Variants in PLXNA2 observed in about 807,000 individuals in gnomAD.
PLXNA2 encodes plexin A2, also known as plexin-A2.
In PLXNA2, 91 loss-of-function variants were observed where a neutral mutation model predicts 193.5. That is an observed-to-expected ratio of 0.47 (90% confidence interval 0.40 to 0.56). The LOEUF is 0.56. Among genes scored for constraint, PLXNA2 ranks in the 20% least tolerant of loss-of-function variants. PLXNA2 has a pLI of 0.00. For synonymous variants in PLXNA2, 997 were observed against 1,027.3 expected (o/e 0.97, Z 0.56); for missense variants, 1,995 against 2,503.2 (o/e 0.80, Z 4.33).
At chr1:208,131,140 G>A (rs1668136580) in intron 4 of PLXNA2, among the ~76,000 whole-genome samples, 1 of 152,078 alleles carries the variant, frequency 6.6e-6, no homozygotes, top group African/African-American at 2.4e-5. Flanking sequence ...ACATACAGAG[G>A]GACCTTGCCA....
chr1:208,107,156 C>G (rs1667295168), intron 4 of PLXNA2, among the ~76,000 whole-genome samples: 1 of 152,194 alleles, frequency 6.6e-6, no homozygotes, highest in Admixed American at 6.5e-5. Context: ...AAACCAGCAC[C>G]ATTGGTGTCA....
intron 11 of PLXNA2, among the ~76,000 whole-genome samples, chr1:208,081,521 G>C (rs987240353): frequency 3.3e-5 from 5 of 152,182 alleles, no homozygotes; most frequent in Non-Finnish European, 5.9e-5. Flanking sequence ...AGTGGCCTAA[G>C]TAGTAGATCC....
At chr1:208,200,254 C>G (rs79145564) in intron 3 of PLXNA2, among the ~76,000 whole-genome samples, 2,290 of 152,308 alleles carry the variant, frequency 0.015, 66 homozygotes, top group African/African-American at 0.05. Context: ...AATAGAACCA[C>G]AGGAAGAGAC....
rs1212200172 is a variant in PLXNA2 at position 208,044,803 on chromosome 1, C to T, written c.3640-61G>A. 7.5e-7 allele frequency: 1 copy of T among 1,337,304 alleles called. No individual in the cohort carries two copies. Among genetic ancestry groups the T allele is most frequent in the East Asian group, 2.4e-5 (1 of 41,210 alleles). 82.8% of individuals were successfully genotyped at this position (1,337,304 alleles called of 1,614,324 possible). ...ACACAGGTGTAGAGCCCGGGCATGC[C>T]AGCAGATCCTTACAGTGCGAGGAAG... On this transcript the variant is annotated intron_variant, in intron 19 of 31. Coordinates refer to ENST00000367033, the MANE Select transcript of PLXNA2 (RefSeq NM_025179.4). The surrounding 1 kb of genome is among the most constrained non-coding windows in gnomAD (Gnocchi z 4.9).
chr1:208,212,204 G>A (rs1302776998), intron 2 of PLXNA2, among the ~76,000 whole-genome samples: 2 of 152,180 alleles, frequency 1.3e-5, no homozygotes, highest in Non-Finnish European at 2.9e-5. Flanking sequence ...AGAGCAGGCT[G>A]ACACACCATC....
chr1:208,157,628 G>T (rs1433328749), intron 3 of PLXNA2, among the ~76,000 whole-genome samples: 2 of 152,138 alleles, frequency 1.3e-5, no homozygotes, highest in African/African-American at 4.8e-5. Flanking sequence ...GAAAGCCAGT[G>T]GTTGATTTGT....
chr1:208,136,726 G>T (rs1668312555), intron 4 of PLXNA2, among the ~76,000 whole-genome samples: 1 of 152,230 alleles, frequency 6.6e-6, no homozygotes, highest in Admixed American at 6.5e-5. Context: ...AGAGGCTTCT[G>T]AGGCAGCGCT....
At chr1:208,097,785 G>A (rs1666946920) in intron 6 of PLXNA2, among the ~76,000 whole-genome samples, 1 of 151,978 alleles carries the variant, frequency 6.6e-6, no homozygotes, top group African/African-American at 2.4e-5. Context: ...CCCATGAGGT[G>A]TGCCCATAGG....
At chr1:208,067,533 CA>C (rs1208554767) in intron 12 of PLXNA2, among the ~76,000 whole-genome samples, 1 of 152,154 alleles carries the variant, frequency 6.6e-6, no homozygotes, top group African/African-American at 2.4e-5. Context: ...TCCAGTCCTG[CA>C]AGCTCCATTC....
chr1:208,143,982 G>C (rs915818756), intron 3 of PLXNA2, among the ~76,000 whole-genome samples: 3 of 152,216 alleles, frequency 2.0e-5, no homozygotes, highest in Non-Finnish European at 4.4e-5. Flanking sequence ...TGTTGAAAGA[G>C]CGTGAACTGT....
chr1:208,034,653 T>G (rs1242039712), intron 26 of PLXNA2, 61 bp from the exon 27 acceptor site: 1 of 1,027,996 alleles, frequency 9.7e-7, no homozygotes, highest in Non-Finnish European at 1.5e-6. Context: ...GGAAGTTGGA[T>G]AGTCAAGTAT....
At chr1:208,113,567 TGAG>T (rs1476806957) in intron 4 of PLXNA2, among the ~76,000 whole-genome samples, 6 of 147,858 alleles carry the variant, frequency 4.1e-5, no homozygotes, top group African/African-American at 1.3e-4. Context: ...TTTTTTTTTT[TGAG>T]ATGCGGTCTT....
At chr1:208,074,751 C>T (rs1478892833) in intron 12 of PLXNA2, among the ~76,000 whole-genome samples, 1 of 152,200 alleles carries the variant, frequency 6.6e-6, no homozygotes, top group Non-Finnish European at 1.5e-5. Flanking sequence ...ATTTCCAGGA[C>T]TGGAGATTCT....
chr1:208,188,464 T>G (rs1670074701), intron 3 of PLXNA2, among the ~76,000 whole-genome samples: 1 of 152,112 alleles, frequency 6.6e-6, no homozygotes, highest in African/African-American at 2.4e-5. Flanking sequence ...ATCCCAGCAC[T>G]TTGGGAGGCC....
chr1:208,148,124 A>G (rs1436007699), intron 3 of PLXNA2, among the ~76,000 whole-genome samples: 2 of 152,152 alleles, frequency 1.3e-5, no homozygotes, highest in African/African-American at 4.8e-5. Flanking sequence ...TCCAATTCCA[A>G]TCAGCATATC....
rs1004083550 is a variant in PLXNA2 at position 208,045,293 on chromosome 1, A to G, written c.3496-83T>C. ...GCCTACTTAAAAAGAGATTAAGGAG[A>G]CGGGGAAGGGCAGCAGTGCAAAAAC... On this transcript the variant is annotated intron_variant, in intron 18 of 31. Transcript: ENST00000367033. 9.8e-6 allele frequency: 14 copies of G among 1,429,700 alleles called. No homozygotes were observed. In the East Asian group the frequency reaches 3.2e-4, roughly 33 times the overall value. 88.6% of individuals were successfully genotyped at this position (1,429,700 alleles called of 1,614,324 possible).
At chr1:208,123,694 A>C (rs1225061593) in intron 4 of PLXNA2, among the ~76,000 whole-genome samples, 1 of 152,170 alleles carries the variant, frequency 6.6e-6, no homozygotes, top group Non-Finnish European at 1.5e-5. Context: ...TCTAATGGTT[A>C]TCTGTCATTG....
intron 3 of PLXNA2, among the ~76,000 whole-genome samples, chr1:208,148,594 T>C (rs4844648): frequency 6.6e-6 from 1 of 152,146 alleles, no homozygotes; most frequent in African/African-American, 2.4e-5. Flanking sequence ...CCAATATTGA[T>C]TTATTATGTG....
At chr1:208,152,783 T>C (rs1358499221) in intron 3 of PLXNA2, among the ~76,000 whole-genome samples, 3 of 151,500 alleles carry the variant, frequency 2.0e-5, no homozygotes, top group African/African-American at 7.3e-5. Flanking sequence ...CATTCAGGAG[T>C]CTAGCTAACA....
Sources: gnomAD v4.1 joint callset for allele counts (sites outside exome capture counted in the v4.1 genomes callset) on GRCh38, gnomAD v4.1.1 for gene constraint, Gnocchi (gnomAD v3.1) non-coding constraint, MANE v1.5 for transcripts, NCBI Gene and HGNC (gene_info 2026-07-23, HGNC 2026-07-21) for gene names.